Variants in CDC16 observed in about 807,000 individuals in gnomAD.
CDC16 encodes the protein cell division cycle 16, also known as cell division cycle protein 16 homolog.
CDC16 carries 34 observed loss-of-function variants against 87.0 expected under a neutral mutation model. The ratio of observed to expected loss-of-function variants is 0.39; its 90% CI spans 0.30 to 0.52. The LOEUF is 0.52. Ranked by LOEUF, CDC16 falls within the 20% of genes least tolerant of loss-of-function variation. The pLI is 0.74. For missense variants in CDC16, 653 were observed against 751.9 expected (o/e 0.87, Z 1.54); for synonymous variants, 263 against 260.6 (o/e 1.01, Z -0.09).
chr13:114,254,908 T>A (rs1406427071), intron 12 of CDC16, among the ~76,000 whole-genome samples: 2 of 152,202 alleles, frequency 1.3e-5, no homozygotes, highest in African/African-American at 4.8e-5. Context: ...CCATCTATCC[T>A]CTCTGAAGCC....
intron 11 of CDC16, among the ~76,000 whole-genome samples, chr13:114,249,078 A>G (rs1478891095): frequency 6.6e-6 from 1 of 151,688 alleles, no homozygotes; most frequent in African/African-American, 2.4e-5. Context: ...TATACAACTC[A>G]CTATAATGAA....
At chr13:114,246,404 A>G (rs1324789772) in intron 10 of CDC16, among the ~76,000 whole-genome samples, 1 of 152,216 alleles carries the variant, frequency 6.6e-6, no homozygotes, top group Non-Finnish European at 1.5e-5. Flanking sequence ...GCTTTCTCAC[A>G]TTGCACATGT....
At chr13:114,241,744 T>C (rs928451691) in intron 5 of CDC16, among the ~76,000 whole-genome samples, 1 of 152,150 alleles carries the variant, frequency 6.6e-6, no homozygotes, top group African/African-American at 2.4e-5. Flanking sequence ...AAATACACAA[T>C]TCTCTATCAA....
chr13:114,238,047 GTGC>G (rs145232458), intron 3 of CDC16, among the ~76,000 whole-genome samples: 5,389 of 152,310 alleles, frequency 0.035, 128 homozygotes, highest in Non-Finnish European at 0.049. Context: ...CAGTCACGTG[GTGC>G]TGCTGTGAGC....
In CDC16 at chr13:114,272,400, G is replaced by C. The variant is rs1217106991; in HGVS notation, c.1820G>C (p.Ser607Thr). Reference sequence around the variant, plus strand: ...ACCTTTGAAATTGAAATGAATGAAAGTGACATGATGTTAGAGACATCTATG... The same window carrying C: ...ACCTTTGAAATTGAAATGAATGAAACTGACATGATGTTAGAGACATCTATG... ...EETFEIEMNE[S>T]DMMLETSMSD... The change falls in exon 18 of 18, where the codon AGT (serine) becomes ACT (threonine). Residue 607 changes from serine to threonine, a missense_variant. Transcript: ENST00000356221. The C allele has an allele frequency of 6.2e-7, 1 of 1,614,034 alleles. No individual in the cohort carries two copies.
chr13:114,257,865 C>T (rs2082605319), intron 13 of CDC16, among the ~76,000 whole-genome samples: 1 of 152,158 alleles, frequency 6.6e-6, no homozygotes, highest in African/African-American at 2.4e-5. Flanking sequence ...CAGCTCACTG[C>T]ATTCTCTGCC....
chr13:114,237,186 G>T (rs868726379), intron 3 of CDC16, among the ~76,000 whole-genome samples: 81 of 151,232 alleles, frequency 5.4e-4, no homozygotes, highest in Middle Eastern at 3.2e-3. Context: ...TTCGTGCATT[G>T]CACTCCAGCC....
intron 11 of CDC16, among the ~76,000 whole-genome samples, chr13:114,249,332 CTT>C (rs76466651): frequency 5.4e-5 from 8 of 147,098 alleles, no homozygotes; most frequent in East Asian, 2.0e-4. Context: ...ACAGATTAAG[CTT>C]TTTTTTTTTT....
intron 7 of CDC16, 36 bp from the exon 8 acceptor site, chr13:114,243,820 T>G (rs1481608941): frequency 6.4e-7 from 1 of 1,563,964 alleles, no homozygotes; most frequent in South Asian, 1.2e-5. Flanking sequence ...TTGTTTTTGC[T>G]CATTGAGTTT....
At chr13:114,250,440 C>T (rs1312487619) in intron 11 of CDC16, 109 bp from the exon 12 acceptor site, 13 of 981,680 alleles carry the variant, frequency 1.3e-5, no homozygotes, top group Admixed American at 9.8e-5. Context: ...TGCAGAGAGC[C>T]GAGATCGCAC....
At chr13:114,251,023 G>A (rs754284122) in intron 12 of CDC16, among the ~76,000 whole-genome samples, 3 of 152,164 alleles carry the variant, frequency 2.0e-5, no homozygotes, top group Non-Finnish European at 2.9e-5. Flanking sequence ...TATTTGATGT[G>A]GCTTAGTGGT....
intron 5 of CDC16, among the ~76,000 whole-genome samples, 183 bp from the exon 6 acceptor site, chr13:114,241,938 T>A (rs1304882279): frequency 3.9e-5 from 6 of 152,090 alleles, no homozygotes; most frequent in Non-Finnish European, 7.4e-5. Flanking sequence ...TAATCCTAGC[T>A]ACTCAGGAGG....
intron 11 of CDC16, among the ~76,000 whole-genome samples, chr13:114,249,795 C>A (rs1353196781): frequency 6.6e-6 from 1 of 152,090 alleles, no homozygotes; most frequent in African/African-American, 2.4e-5. Flanking sequence ...AAATGGAGCT[C>A]CTGGATTAAG....
Position 114,257,061 on chromosome 13 carries a change from A to G in CDC16, c.1098-17A>G. On this transcript the variant is annotated splice_polypyrimidine_tract_variant and intron_variant, in intron 12 of 17. Coordinates refer to ENST00000356221, the MANE Select transcript of CDC16 (RefSeq NM_001078645.3). ...CAGTTTTTGGTGTTGAATATGTGAA[A>G]TTTTCCAATTTTTTAGGTGTCATTT... The G allele has an allele frequency of 6.6e-7, 1 of 1,513,628 alleles. No individual in the cohort carries two copies. The highest frequency in any genetic ancestry group is 9.0e-7 in the Non-Finnish European group (1 of 1,115,674). The allele number at this position is 1,513,628 out of a possible 1,614,324, so 93.8% of individuals were successfully genotyped here. A position where few individuals can be genotyped will look rare whatever the true frequency, so the allele number is the denominator to read the frequency against.
At chr13:114,255,731 C>T (rs2139053078) in intron 12 of CDC16, among the ~76,000 whole-genome samples, 1 of 152,344 alleles carries the variant, frequency 6.6e-6, no homozygotes, top group South Asian at 2.1e-4. Context: ...CATTCTCAAA[C>T]TCCTGGGCTC....
chr13:114,265,270 G>A (rs770541605), intron 17 of CDC16, 30 bp downstream of exon 17: 1 of 1,389,618 alleles, frequency 7.2e-7, no homozygotes, highest in Admixed American at 1.7e-5. Context: ...TATTGGTATT[G>A]TACTCCATTT....
chr13:114,243,995 T>C lies in CDC16; in HGVS notation c.767+6T>C. 1 of 1,600,228 alleles carries C rather than the reference T, an allele frequency of 6.2e-7. No homozygotes were observed. The highest frequency in any genetic ancestry group is 8.6e-7 in the Non-Finnish European group (1 of 1,169,214). ...TGCTACAAGCTTACTTCTGTGTAAG[T>C]ATATCCATCCATTTTTCTGTAGGAA... On this transcript the variant is annotated splice_donor_region_variant and intron_variant, in intron 8 of 17. Coordinates refer to ENST00000356221, the MANE Select transcript of CDC16 (RefSeq NM_001078645.3).
intron 17 of CDC16, among the ~76,000 whole-genome samples, 166 bp downstream of exon 17, chr13:114,265,406 G>GT (rs1320050697): frequency 2.0e-5 from 3 of 152,210 alleles, no homozygotes; most frequent in African/African-American, 7.2e-5. Flanking sequence ...GAACAATGCT[G>GT]TGGGGGAGTT....
intron 17 of CDC16, among the ~76,000 whole-genome samples, chr13:114,268,255 C>T (rs1057421417): frequency 2.6e-5 from 4 of 152,180 alleles, no homozygotes; most frequent in African/African-American, 9.7e-5. Context: ...AAATAAATCC[C>T]AAAATTTGGG....
Sources: allele counts gnomAD v4.1 joint callset (sites outside exome capture counted in the v4.1 genomes callset), GRCh38; gene constraint gnomAD v4.1.1; transcripts MANE v1.5; gene names NCBI Gene and HGNC (gene_info 2026-07-23, HGNC 2026-07-21).